Variants in COL25A1 observed in about 807,000 individuals in gnomAD.
COL25A1 encodes the protein collagen alpha-1(XXV) chain.
A neutral mutation model predicts 128.4 loss-of-function variants in COL25A1; 103 were observed. The ratio of observed to expected loss-of-function variants is 0.80; its 90% confidence interval spans 0.68 to 0.94. The LOEUF (loss-of-function observed/expected upper bound fraction) is 0.94, where lower values mean the gene tolerates loss of function less well. COL25A1 is among the 40% of genes least tolerant of loss of function. The pLI is 0.00. For synonymous variants in COL25A1, 279 were observed against 277.2 expected, an observed-to-expected ratio of 1.01 and a Z score of -0.06; for missense variants, 745 against 840.0, an observed-to-expected ratio of 0.89 and a Z score of 1.40.
chr4:109,232,754 C>T (rs1779241626), intron 3 of COL25A1, among the ~76,000 whole-genome samples: 1 of 152,112 alleles, frequency 6.6e-6, no homozygotes, highest in Non-Finnish European at 1.5e-5. Context: ...TTGCTATAAT[C>T]GCCTCCTTAA....
At chr4:109,131,225 C>G (rs1416521891) in intron 3 of COL25A1, among the ~76,000 whole-genome samples, 1 of 152,068 alleles carries the variant, frequency 6.6e-6, no homozygotes, top group Non-Finnish European at 1.5e-5. Context: ...AATAAAAGTA[C>G]TATTAAATTT....
intron 6 of COL25A1, among the ~76,000 whole-genome samples, chr4:109,000,164 A>C (rs1433747819): frequency 6.6e-6 from 1 of 152,204 alleles, no homozygotes; most frequent in Non-Finnish European, 1.5e-5. Flanking sequence ...AAAAGTGTTC[A>C]TGAATAATTA....
At chr4:108,900,186 C>A (rs1742671557) in intron 14 of COL25A1, among the ~76,000 whole-genome samples, 1 of 152,114 alleles carries the variant, frequency 6.6e-6, no homozygotes, top group Non-Finnish European at 1.5e-5. Flanking sequence ...GGTCGCTAGG[C>A]AACACCAGAA....
chr4:108,861,028 C>T lies in COL25A1; in HGVS notation c.1198-57G>A, dbSNP rs376521273. 1,290 of 1,458,010 alleles carry T rather than the reference C, an allele frequency of 8.8e-4. 1 individual carries two copies. Among genetic ancestry groups the T allele is most frequent in the Non-Finnish European group, 1.1e-3 (1,119 of 1,038,592 alleles). The allele number at this position is 1,458,010 out of a possible 1,614,324, so 90.3% of individuals were successfully genotyped here. A position where few individuals can be genotyped will look rare whatever the true frequency, so the allele number is the denominator to read the frequency against. On this transcript the variant is annotated intron_variant, in intron 22 of 37. Transcript: ENST00000399132. ...CAGAAGTGGGGGAATCTAGAAATCTCGTGTAAGAACATGTTTATGCCATAC... is the reference window on the plus strand; with the variant it reads ...CAGAAGTGGGGGAATCTAGAAATCTTGTGTAAGAACATGTTTATGCCATAC...
chr4:108,893,616 C>T (rs1419048952), intron 16 of COL25A1, among the ~76,000 whole-genome samples: 2 of 151,860 alleles, frequency 1.3e-5, no homozygotes, highest in Admixed American at 6.6e-5. Flanking sequence ...TCCAAAGGCG[C>T]TGAGTTGAAT....
chr4:108,873,491 C>G (rs1183236036), intron 19 of COL25A1, among the ~76,000 whole-genome samples: 1 of 151,654 alleles, frequency 6.6e-6, no homozygotes, highest in African/African-American at 2.4e-5. Flanking sequence ...TATTGTTTCC[C>G]TTATCTTACA....
chr4:108,889,732 C>A lies in COL25A1; in HGVS notation c.908G>T (p.Gly303Val). ...NGPKGDTGEK[G>V]DPGSSAAGIK... ...TCCTGCAGCAGATGATCCAGGGTCA[C>A]CCTAAAACGAAACCCAGGAGAGATT... Residue 303 changes from glycine to valine, a missense_variant and splice_region_variant, in exon 17 of 38, where the codon GGT becomes GTT. This residue lies in a region of COL25A1 where 39 missense variants were observed against 73.3 expected (regional missense o/e 0.53). Transcript: ENST00000399132. 6.2e-7 allele frequency: 1 copy of A among 1,613,378 alleles called. No homozygotes were observed. Among genetic ancestry groups the A allele is most frequent in the Non-Finnish European group, 8.5e-7 (1 of 1,179,472 alleles).
At chr4:109,087,109 C>T (rs1764465213) in intron 3 of COL25A1, among the ~76,000 whole-genome samples, 1 of 151,904 alleles carries the variant, frequency 6.6e-6, no homozygotes, top group Non-Finnish European at 1.5e-5. Flanking sequence ...AGTGTGTGGG[C>T]AAAATGACAA....
chr4:109,113,419 G>T (rs1348171904), intron 3 of COL25A1, among the ~76,000 whole-genome samples: 1 of 103,954 alleles, frequency 9.6e-6, no homozygotes, highest in Middle Eastern at 4.1e-3. Context: ...AACATATATG[G>T]ATTTTGTGTG....
intron 3 of COL25A1, among the ~76,000 whole-genome samples, chr4:109,092,868 C>A (rs146011553): frequency 6.6e-6 from 1 of 152,272 alleles, no homozygotes; most frequent in Non-Finnish European, 1.5e-5. Flanking sequence ...AAGTAACTCA[C>A]TCAATCTGTG....
chr4:109,148,581 C>T (rs1038179887), intron 3 of COL25A1, among the ~76,000 whole-genome samples: 2 of 152,174 alleles, frequency 1.3e-5, no homozygotes, highest in Middle Eastern at 3.4e-3. Flanking sequence ...TGCTCTATTC[C>T]AGGAGCTGAT....
intron 15 of COL25A1, 22 bp downstream of exon 15, chr4:108,899,132 A>G (rs1333750482): frequency 6.2e-7 from 1 of 1,607,202 alleles, no homozygotes; most frequent in East Asian, 2.2e-5. Flanking sequence ...GGAGAGAGAA[A>G]TACAGGCAGA....
At chr4:108,946,551 A>T (rs1201786154) in intron 8 of COL25A1, among the ~76,000 whole-genome samples, 1 of 152,212 alleles carries the variant, frequency 6.6e-6, no homozygotes, top group East Asian at 1.9e-4. Context: ...GCATTTGTTG[A>T]GCACCTTCTG....
chr4:109,021,720 C>A (rs888848169), intron 5 of COL25A1: 6 of 453,162 alleles, frequency 1.3e-5, no homozygotes, highest in African/African-American at 2.0e-5. Flanking sequence ...TCACCAAATT[C>A]TTTTCCTAGC....
intron 20 of COL25A1, among the ~76,000 whole-genome samples, chr4:108,864,915 G>A (rs1469856034): frequency 6.6e-6 from 1 of 152,160 alleles, no homozygotes; most frequent in African/African-American, 2.4e-5. Context: ...AAGTGACAAA[G>A]CTTTTAAAGT....
At chr4:108,866,041 T>C (rs1028278943) in intron 20 of COL25A1, among the ~76,000 whole-genome samples, 1 of 152,230 alleles carries the variant, frequency 6.6e-6, no homozygotes, top group Non-Finnish European at 1.5e-5. Flanking sequence ...CACACTACAA[T>C]GTAAGCTTCA....
chr4:108,967,959 C>T (rs1751503055), intron 8 of COL25A1, among the ~76,000 whole-genome samples: 1 of 152,088 alleles, frequency 6.6e-6, no homozygotes, highest in African/African-American at 2.4e-5. Flanking sequence ...ATACTCTATG[C>T]GTGGTGACCG....
intron 16 of COL25A1, among the ~76,000 whole-genome samples, chr4:108,896,009 G>A (rs531007392): frequency 7.2e-6 from 1 of 139,758 alleles, no homozygotes; most frequent in African/African-American, 2.6e-5. Context: ...GCAGTGGTGC[G>A]ATCTCCGCTC....
chr4:108,982,162 C>T (rs568248253), intron 6 of COL25A1, among the ~76,000 whole-genome samples: 1 of 152,294 alleles, frequency 6.6e-6, no homozygotes, highest in African/African-American at 2.4e-5. Context: ...CCACTGCACT[C>T]CAGCCTGGGC....
Sources: allele counts gnomAD v4.1 joint callset (sites outside exome capture counted in the v4.1 genomes callset), GRCh38; gene constraint gnomAD v4.1.1; regional missense constraint gnomAD v4.1.1; transcripts MANE v1.5; gene names NCBI Gene and HGNC (gene_info 2026-07-23, HGNC 2026-07-21).